Variants in DTNA observed in about 807,000 individuals in gnomAD.
DTNA encodes dystrobrevin alpha, also known as dystrophin-related protein 3.
In DTNA, 43 loss-of-function variants were observed where a neutral mutation model predicts 100.7. The ratio of observed to expected loss-of-function variants is 0.43; its 90% CI spans 0.33 to 0.55. The LOEUF is 0.55. DTNA is among the 20% of genes least tolerant of loss of function. DTNA has a pLI of 0.04. For synonymous variants in DTNA, 349 were observed against 347.9 expected (o/e 1.00, Z -0.04); for missense variants, 798 against 953.9 (o/e 0.84, Z 2.15).
At chr18:34,592,502 A>ACACGCACG (rs1555634399) in intron 1 of DTNA, among the ~76,000 whole-genome samples, 4 of 150,610 alleles carry the variant, frequency 2.7e-5, no homozygotes, top group African/African-American at 9.8e-5. Context: ...ACACACACAC[A>ACACGCACG]CACATTTTGT....
intron 1 of DTNA, among the ~76,000 whole-genome samples, chr18:34,746,625 T>G (rs1601332771): frequency 6.6e-6 from 1 of 152,166 alleles, no homozygotes; most frequent in Non-Finnish European, 1.5e-5. Context: ...ACCCCACCTA[T>G]GATAGTCTCC....
chr18:34,646,282 A>G (rs1193730637), intron 1 of DTNA, among the ~76,000 whole-genome samples: 1 of 152,238 alleles, frequency 6.6e-6, no homozygotes, highest in Non-Finnish European at 1.5e-5. Flanking sequence ...ATTCATGTTA[A>G]GAAATGGCAA....
intron 1 of DTNA, among the ~76,000 whole-genome samples, chr18:34,545,003 A>G (rs956336539): frequency 1.3e-5 from 2 of 152,114 alleles, no homozygotes; most frequent in African/African-American, 2.4e-5. Context: ...TAAAGTTCAA[A>G]GGTAGCTATC....
At chr18:34,883,934 G>A (rs748542972) in intron 21 of DTNA, among the ~76,000 whole-genome samples, 26 of 152,154 alleles carry the variant, frequency 1.7e-4, no homozygotes, top group Admixed American at 4.6e-4. Flanking sequence ...ATGTAGAGCC[G>A]TGCTCCCATG....
rs1419766193 is a variant in DTNA, at chr18:34,888,265, C to T, written c.*531C>T. Reference sequence around the variant, plus strand: ...GCAAAACAGTTTATTATACACTGTACATTTTTTTCACAGCAATTGGAAAAA... The same window carrying T: ...GCAAAACAGTTTATTATACACTGTATATTTTTTTCACAGCAATTGGAAAAA... On this transcript the variant is annotated 3_prime_UTR_variant, in exon 23 of 23. Transcript: ENST00000444659. The T allele has an allele frequency of 1.0e-6, 1 of 985,806 alleles. No homozygotes were observed. The highest frequency in any genetic ancestry group is 1.7e-5 in the African/African-American group (1 of 57,322). The allele number at this position is 985,806 out of a possible 1,614,324, so 61.1% of individuals were successfully genotyped here. A position where few individuals can be genotyped will look rare whatever the true frequency, so the allele number is the denominator to read the frequency against.
In DTNA at chr18:34,890,200, C is replaced by T. The variant is rs1176968468; in HGVS notation, c.*2466C>T. 6.9e-7 allele frequency: 1 copy of T among 1,453,818 alleles called. No individual in the cohort carries two copies. The highest frequency in any genetic ancestry group is 9.0e-7 in the Non-Finnish European group (1 of 1,108,318). 90.1% of individuals were successfully genotyped at this position (1,453,818 alleles called of 1,614,324 possible). A position where few individuals can be genotyped will look rare whatever the true frequency, so the allele number is the denominator to read the frequency against. ...ATTTCATTGCCAACCAACTCCATCA[C>T]ATGGTTGTTGATATCGTCATATAAA... On this transcript the variant is annotated 3_prime_UTR_variant, in exon 23 of 23. Coordinates refer to ENST00000444659, the MANE Select transcript of DTNA (RefSeq NM_001386795.1).
chr18:34,636,241 G>T (rs962677039), intron 1 of DTNA, among the ~76,000 whole-genome samples: 2 of 152,172 alleles, frequency 1.3e-5, no homozygotes, highest in Admixed American at 6.5e-5. Flanking sequence ...CACCTGCGGG[G>T]TTCAAGCAAT....
intron 9 of DTNA, among the ~76,000 whole-genome samples, chr18:34,824,628 A>C (rs968048643): frequency 1.3e-5 from 2 of 152,218 alleles, no homozygotes; most frequent in Non-Finnish European, 2.9e-5. Flanking sequence ...GAGCAGCAAA[A>C]GCATTATAAG....
intron 1 of DTNA, among the ~76,000 whole-genome samples, chr18:34,582,727 G>T (rs958012079): frequency 6.6e-6 from 1 of 152,150 alleles, no homozygotes; most frequent in African/African-American, 2.4e-5. Context: ...AGTGTAAAAG[G>T]TAGCTTCAAT....
intron 1 of DTNA, among the ~76,000 whole-genome samples, chr18:34,611,155 T>C: frequency 6.6e-6 from 1 of 152,184 alleles, no homozygotes; most frequent in East Asian, 1.9e-4. Context: ...AATTCATAAA[T>C]ATAGATCTAA....
At chr18:34,738,950 C>T (rs1258445109) in intron 1 of DTNA, among the ~76,000 whole-genome samples, 2 of 152,126 alleles carry the variant, frequency 1.3e-5, no homozygotes, top group Non-Finnish European at 2.9e-5. Context: ...GGTATATGTG[C>T]AGGTTTGCTA....
At position 34,836,207 on chromosome 18, in the gene DTNA, T is replaced by G. The variant is rs1056970023; in HGVS notation, c.1176-1887T>G. Among the ~76,000 whole-genome samples the G allele has an allele frequency of 1.3e-5, 2 of 152,178 alleles. 1 individual carries two copies. Among genetic ancestry groups the G allele is most frequent in the South Asian group, 4.1e-4 (2 of 4,832 alleles). On this transcript the variant is annotated intron_variant, in intron 11 of 22. Transcript: ENST00000444659. ...AGAAACAGTTTTGGTGGTATAATGGTACATCAGAAAATGATGGCTGAAGGT... is the reference window on the plus strand; with the variant it reads ...AGAAACAGTTTTGGTGGTATAATGGGACATCAGAAAATGATGGCTGAAGGT...
intron 1 of DTNA, among the ~76,000 whole-genome samples, chr18:34,550,293 G>A (rs1568632577): frequency 6.6e-6 from 1 of 152,024 alleles, no homozygotes; most frequent in African/African-American, 2.4e-5. Flanking sequence ...ATTTTCTAAG[G>A]GACTAGTGAG....
chr18:34,553,911 G>A (rs1349575144), intron 1 of DTNA, among the ~76,000 whole-genome samples: 1 of 151,228 alleles, frequency 6.6e-6, no homozygotes, highest in Non-Finnish European at 1.5e-5. Flanking sequence ...CCAATTCTGT[G>A]AAGAAAGTCA....
intron 1 of DTNA, among the ~76,000 whole-genome samples, chr18:34,543,356 A>G (rs553363777): frequency 1.6e-4 from 24 of 152,220 alleles, no homozygotes; most frequent in Admixed American, 4.6e-4. Flanking sequence ...ATCTCTGAAA[A>G]AGCTGTCTTT....
Position 34,794,202 on chromosome 18 carries a change from A to G in DTNA, c.314A>G (p.Glu105Gly). The stretch of plus-strand genomic sequence containing the variant: ...CCAACCACTCACCAAATCCATGTGG[A>G]GCAGTCCATCAGCCTCCTCCTTAAC... ...RMPTTHQIHV[E>G]QSISLLLNFL... The change falls in exon 4 of 23, where the codon GAG becomes GGG. Residue 105 changes from glutamate to glycine, a missense_variant. This residue lies in a region of DTNA where 197 missense variants were observed against 215.4 expected (regional missense o/e 0.91). Coordinates refer to ENST00000444659, the MANE Select transcript of DTNA (RefSeq NM_001386795.1). 6.2e-7 allele frequency: 1 copy of G among 1,614,152 alleles called. No individual in the cohort carries two copies. The highest frequency in any genetic ancestry group is 1.7e-5 in the Admixed American group (1 of 60,016).
chr18:34,557,625 C>CT (rs1369334942), intron 1 of DTNA, among the ~76,000 whole-genome samples: 18 of 151,768 alleles, frequency 1.2e-4, no homozygotes, highest in East Asian at 1.9e-4. Context: ...GAATACCCTG[C>CT]CGTGTGAGGT....
intron 1 of DTNA, among the ~76,000 whole-genome samples, chr18:34,526,522 A>G (rs1179216136): frequency 1.3e-5 from 2 of 152,148 alleles, no homozygotes; most frequent in Non-Finnish European, 2.9e-5. Flanking sequence ...AACAGTTCCT[A>G]GCACATATTA....
chr18:34,862,024 A>G (rs946729803), intron 16 of DTNA, among the ~76,000 whole-genome samples: 2 of 152,124 alleles, frequency 1.3e-5, no homozygotes, highest in African/African-American at 4.8e-5. Flanking sequence ...AAATTACAGA[A>G]CAGTATCAAG....
Sources: gnomAD v4.1 joint callset for allele counts (sites outside exome capture counted in the v4.1 genomes callset) on GRCh38, gnomAD v4.1.1 for gene constraint, gnomAD v4.1.1 regional missense constraint, MANE v1.5 for transcripts, NCBI Gene and HGNC (gene_info 2026-07-23, HGNC 2026-07-21) for gene names.